The following CPLANE1 variants were observed in gnomAD, a reference collection of about 807,000 sequenced individuals.
CPLANE1 encodes the protein ciliogenesis and planar polarity effector complex subunit 1, also known as ciliogenesis and planar polarity effector 1.
Under a neutral mutation model 362.5 loss-of-function variants are expected in CPLANE1, and 263 were observed. That is an observed-to-expected ratio of 0.73 (90% confidence interval 0.66 to 0.80). CPLANE1 has a LOEUF of 0.80. Ranked by LOEUF, CPLANE1 falls within the 30% of genes least tolerant of loss-of-function variation. The pLI, the probability that CPLANE1 is intolerant of heterozygous loss-of-function variation, is 0.00. For missense variants in CPLANE1, 3,461 were observed against 3,793.4 expected (o/e 0.91, Z 2.30); for synonymous variants, 1,212 against 1,302.6 (o/e 0.93, Z 1.50).
intron 42 of CPLANE1, among the ~76,000 whole-genome samples, chr5:37,152,274 G>A (rs552142765): frequency 6.6e-6 from 1 of 151,988 alleles, no homozygotes; most frequent in African/African-American, 2.4e-5. Flanking sequence ...ACTCGTGAGC[G>A]CAAGTGATCC....
the CPLANE1 span, among the ~76,000 whole-genome samples, chr5:37,098,263 G>C: frequency 6.6e-6 from 1 of 151,674 alleles, no homozygotes; most frequent in Middle Eastern, 3.4e-3. Context: ...ATGGTGGCAG[G>C]CACCTGTAAT....
chr5:37,115,102 T>C, intron 50 of CPLANE1, 53 bp from the exon 51 acceptor site: 1 of 1,164,822 alleles, frequency 8.6e-7, no homozygotes, highest in Non-Finnish European at 1.3e-6. Flanking sequence ...ATGATTTTTA[T>C]ATATATTGTG....
chr5:37,223,515 G>A (rs1464356080), intron 14 of CPLANE1, among the ~76,000 whole-genome samples: 2 of 152,212 alleles, frequency 1.3e-5, no homozygotes, highest in African/African-American at 4.8e-5. Context: ...AGCCACAGCA[G>A]TCAGAAAATA....
In CPLANE1 at chr5:37,170,239, C is replaced by A; in HGVS notation, c.6264G>T (p.Gln2088His). The A allele has an allele frequency of 6.2e-7, 1 of 1,614,156 alleles. No homozygotes were observed. Among genetic ancestry groups the A allele is most frequent in the Non-Finnish European group, 8.5e-7 (1 of 1,179,990 alleles). ...CTTGGCTTTCCCCTAAATGCACAGA[C>A]TGAGACTGCTGTACAAGTTGTTGTG... ...PDTQQLVQQS[Q>H]SVHLGESQES... The change falls in exon 33 of 53, where the codon CAG becomes CAT. Residue 2088 changes from glutamine (Q) to histidine (H), a missense_variant. Physicochemically the swap from Gln to His is conservative, Grantham distance 24. Around this residue, in one of 2 missense-constraint regions of CPLANE1, gnomAD observed 3,380 missense variants for 3,666.1 expected, o/e 0.92. Transcript: ENST00000651892.
chr5:37,104,932 T>G (rs968779939), downstream of CPLANE1, among the ~76,000 whole-genome samples: 8 of 152,086 alleles, frequency 5.3e-5, no homozygotes, highest in African/African-American at 1.7e-4. Context: ...TCTCCATGTG[T>G]TATTAGTACA....
Position 37,239,799 on chromosome 5 carries a change from A to T in CPLANE1, c.748T>A (p.Ser250Thr). The T allele has an allele frequency of 6.5e-7, 1 of 1,547,094 alleles. No individual in the cohort carries two copies. Among genetic ancestry groups the T allele is most frequent in the Non-Finnish European group, 8.7e-7 (1 of 1,144,298 alleles). ...ATTAGAGCTCCTCTTGACTTTACTG[A>T]TTCACATTTAGGAATTAAACTACAG... is the stretch of plus-strand genomic sequence containing the variant. The part of the protein sequence containing the change: ...HLCSLIPKCE[S>T]VKSRGALISA... The change falls in exon 7 of 53, where the codon TCA (serine) becomes ACA (threonine). Residue 250 changes from serine to threonine, a missense_variant. By Grantham distance (58) the Ser-to-Thr change is moderately conservative (BLOSUM62 1). This residue lies in a region of CPLANE1 where 3,380 missense variants were observed against 3,666.1 expected (regional missense o/e 0.92). Coordinates refer to ENST00000651892, the MANE Select transcript of CPLANE1 (RefSeq NM_001384732.1).
chr5:37,223,215 A>G (rs974505717), intron 14 of CPLANE1, among the ~76,000 whole-genome samples: 1 of 152,050 alleles, frequency 6.6e-6, no homozygotes, highest in African/African-American at 2.4e-5. Flanking sequence ...AACACTATAT[A>G]CTCTGTTAAG....
Position 37,167,341 on chromosome 5 carries a change from T to A in CPLANE1, c.7234-128A>T, listed in dbSNP as rs1580351802. On this transcript the variant is annotated intron_variant, in intron 34 of 52. Transcript: ENST00000651892. ...TGCAACAGTTAGAACAAATCAAATA[T>A]AACAAATTGATTTAAACTGGCAATA... 9.6e-6 allele frequency: 7 copies of A among 726,896 alleles called. No individual in the cohort carries two copies. In the East Asian group the frequency reaches 2.0e-4, roughly 20 times the overall value. 45.0% of individuals were successfully genotyped at this position (726,896 alleles called of 1,614,324 possible). A position where few individuals can be genotyped will look rare whatever the true frequency, so the allele number is the denominator to read the frequency against.
intron 16 of CPLANE1, chr5:37,211,502 C>T: frequency 2.2e-6 from 3 of 1,359,202 alleles, no homozygotes; most frequent in Non-Finnish European, 3.1e-6. Flanking sequence ...AAAGGAATGA[C>T]ATCTTGGAAG....
chr5:37,224,203 A>C (rs1189769291), intron 14 of CPLANE1, 50 bp downstream of exon 14: 2 of 1,250,064 alleles, frequency 1.6e-6, no homozygotes, highest in African/African-American at 3.0e-5. Flanking sequence ...ACAGCAAGCT[A>C]AAAGGAGTCC....
At chr5:37,192,935 G>A (rs969072755) in intron 21 of CPLANE1, among the ~76,000 whole-genome samples, 97 of 147,974 alleles carry the variant, frequency 6.6e-4, no homozygotes, top group African/African-American at 2.1e-3. Context: ...TTGGGAGGCC[G>A]AGGCAGGTGG....
intron 43 of CPLANE1, among the ~76,000 whole-genome samples, chr5:37,145,906 A>C (rs955378174): frequency 6.6e-6 from 1 of 152,246 alleles, no homozygotes; most frequent in Non-Finnish European, 1.5e-5. Flanking sequence ...CATGCTGGAC[A>C]CAAATACAAC....
chr5:37,223,106 C>A (rs1298315751), intron 14 of CPLANE1, among the ~76,000 whole-genome samples: 1 of 152,224 alleles, frequency 6.6e-6, no homozygotes, highest in African/African-American at 2.4e-5. Flanking sequence ...TATGATCCTA[C>A]CGCCAATATC....
intron 19 of CPLANE1, among the ~76,000 whole-genome samples, chr5:37,200,564 T>G (rs1161816992): frequency 6.6e-6 from 1 of 152,066 alleles, no homozygotes; most frequent in Non-Finnish European, 1.5e-5. Context: ...GAGGTAGAAG[T>G]CGCCAATATT....
chr5:37,158,376 A>G (rs1439055552), intron 38 of CPLANE1, 31 bp from the exon 39 acceptor site: 5 of 1,590,900 alleles, frequency 3.1e-6, no homozygotes, highest in South Asian at 2.3e-5. Flanking sequence ...AATCAGGAAC[A>G]TTCAAAAAAA....
chr5:37,102,040 C>A (rs562098552), downstream of CPLANE1, among the ~76,000 whole-genome samples: 8 of 150,300 alleles, frequency 5.3e-5, no homozygotes, highest in African/African-American at 2.0e-4. Context: ...AAAAAAAAAA[C>A]AACTCCTGGA....
chr5:37,210,231 C>A (rs1164435160), intron 16 of CPLANE1: 15 of 1,602,358 alleles, frequency 9.4e-6, no homozygotes, highest in Non-Finnish European at 1.2e-5. Flanking sequence ...GCAACTTTTA[C>A]TAAAAGATAT....
intron 31 of CPLANE1, among the ~76,000 whole-genome samples, chr5:37,175,394 G>A (rs1780892739): frequency 6.6e-6 from 1 of 152,164 alleles, no homozygotes; most frequent in Non-Finnish European, 1.5e-5. Flanking sequence ...AAACAGATCT[G>A]CCCATTTTAA....
chr5:37,190,490 A>C (rs1355319869), intron 21 of CPLANE1, among the ~76,000 whole-genome samples: 1 of 152,100 alleles, frequency 6.6e-6, no homozygotes, highest in Non-Finnish European at 1.5e-5. Flanking sequence ...AGGTAGAAGG[A>C]TCACTTGAAC....
Sources: allele counts gnomAD v4.1 joint callset (sites outside exome capture counted in the v4.1 genomes callset), GRCh38; gene constraint gnomAD v4.1.1; regional missense constraint gnomAD v4.1.1; transcripts MANE v1.5; gene names NCBI Gene and HGNC (gene_info 2026-07-23, HGNC 2026-07-21).